NTM: variants seen among roughly 807,000 people sequenced by gnomAD.
The protein encoded by NTM is IgLON family member 2.
In NTM, 13 loss-of-function variants were observed where a neutral mutation model predicts 42.1. That is an observed-to-expected ratio of 0.31 (90% CI 0.20 to 0.49). The LOEUF is 0.49. NTM is among the 20% of genes least tolerant of loss of function. The pLI, the probability that NTM is intolerant of heterozygous loss-of-function variation, is 0.99. For synonymous variants in NTM, 187 were observed against 179.2 expected, an observed-to-expected ratio of 1.04 and a Z score of -0.35; for missense variants, 373 against 452.8, an observed-to-expected ratio of 0.82 and a Z score of 1.60.
At chr11:132,070,202 C>T (rs1397360567) in intron 2 of NTM, among the ~76,000 whole-genome samples, 15 of 146,828 alleles carry the variant, frequency 1.0e-4, no homozygotes, top group Admixed American at 2.0e-4. Flanking sequence ...CAAGTTAACA[C>T]GTCAAACTGA....
intron 1 of NTM, among the ~76,000 whole-genome samples, chr11:131,402,192 A>G (rs1266190769): frequency 6.6e-6 from 1 of 152,020 alleles, no homozygotes; most frequent in Non-Finnish European, 1.5e-5. Flanking sequence ...TATGGATGCA[A>G]CACCATGAAA....
In NTM at chr11:132,132,464, T is replaced by G. The variant is rs146163492; in HGVS notation, c.168-13818T>G. ...ATGTTTTGTTCTGGAGAGTGAACAC[T>G]GCATCTTCACAGGCATATGAGCTCA... On this transcript the variant is annotated intron_variant, in intron 2 of 8. Coordinates refer to ENST00000683400, the MANE Select transcript of NTM (RefSeq NM_001352005.2). Among the ~76,000 whole-genome samples the G allele has an allele frequency of 1.5e-3, 227 of 152,364 alleles. 2 individuals are homozygous for G. The South Asian group carries it at 0.024, about 16-fold the overall frequency.
intron 2 of NTM, among the ~76,000 whole-genome samples, chr11:132,007,788 T>G (rs11222863): frequency 0.14 from 21,086 of 152,140 alleles, 1,643 homozygotes; most frequent in African/African-American, 0.2. Flanking sequence ...GAGCTGGATT[T>G]TCATCTCAGG....
chr11:131,839,457 C>T (rs890381546), intron 1 of NTM, among the ~76,000 whole-genome samples: 2 of 152,140 alleles, frequency 1.3e-5, no homozygotes, highest in African/African-American at 4.8e-5. Flanking sequence ...AGAAAGTCCA[C>T]CTGAGGAAGC....
At chr11:131,650,778 T>G (rs530709788) in intron 1 of NTM, among the ~76,000 whole-genome samples, 1 of 152,100 alleles carries the variant, frequency 6.6e-6, no homozygotes, top group East Asian at 1.9e-4. Flanking sequence ...TTTAAAAAAA[T>G]TACTGGGAAA....
At chr11:131,970,515 A>G (rs570718079) in intron 2 of NTM, among the ~76,000 whole-genome samples, 1 of 152,276 alleles carries the variant, frequency 6.6e-6, no homozygotes. Context: ...TCTGCTCCCC[A>G]TTCCTTCCTA....
chr11:131,791,945 T>C (rs2090996485), intron 1 of NTM, among the ~76,000 whole-genome samples: 1 of 152,198 alleles, frequency 6.6e-6, no homozygotes, highest in African/African-American at 2.4e-5. Flanking sequence ...CTGTTTGTCA[T>C]AAGCCTAAGG....
intron 7 of NTM, among the ~76,000 whole-genome samples, chr11:132,323,402 A>G (rs1286164482): frequency 2.6e-5 from 4 of 151,916 alleles, no homozygotes; most frequent in South Asian, 4.2e-4. Flanking sequence ...AAACACCTCT[A>G]TGCAAATAAA....
chr11:131,764,169 C>T (rs1342058107), intron 1 of NTM, among the ~76,000 whole-genome samples: 1 of 152,000 alleles, frequency 6.6e-6, no homozygotes, highest in Non-Finnish European at 1.5e-5. Context: ...GCTTTTTGTT[C>T]ACACTGTATT....
At chr11:132,109,704 G>A (rs2062906420) in intron 2 of NTM, among the ~76,000 whole-genome samples, 1 of 151,940 alleles carries the variant, frequency 6.6e-6, no homozygotes, top group Non-Finnish European at 1.5e-5. Flanking sequence ...TCTCGGCTCC[G>A]GGACGCCACA....
intron 2 of NTM, among the ~76,000 whole-genome samples, chr11:132,137,869 C>T (rs2068250193): frequency 6.6e-6 from 1 of 152,206 alleles, no homozygotes; most frequent in South Asian, 2.1e-4. Context: ...GCTGGTCGGC[C>T]TGCACTGGGT....
intron 1 of NTM, among the ~76,000 whole-genome samples, chr11:131,462,361 G>T (rs1951459738): frequency 6.6e-6 from 1 of 152,148 alleles, no homozygotes; most frequent in Non-Finnish European, 1.5e-5. Context: ...ATAAAACTAT[G>T]CACTCAAAAT....
intron 1 of NTM, among the ~76,000 whole-genome samples, chr11:131,433,030 ATTC>A (rs956636478): frequency 1.3e-5 from 2 of 150,080 alleles, no homozygotes; most frequent in African/African-American, 4.9e-5. Flanking sequence ...AATTTTTTGT[ATTC>A]TTTTTAGTAG....
chr11:131,589,013 GC>G (rs76486114), intron 1 of NTM, among the ~76,000 whole-genome samples: 1 of 152,214 alleles, frequency 6.6e-6, no homozygotes, highest in East Asian at 1.9e-4. Context: ...GAGGACTCAT[GC>G]CTGAGCATGC....
chr11:132,281,964 C>T (rs2093987582), intron 4 of NTM, among the ~76,000 whole-genome samples: 1 of 152,154 alleles, frequency 6.6e-6, no homozygotes, highest in Non-Finnish European at 1.5e-5. Flanking sequence ...GAGCTTTAAG[C>T]CCACATCTTA....
At chr11:131,453,693 C>G (rs11600798) in intron 1 of NTM, among the ~76,000 whole-genome samples, 5,895 of 152,224 alleles carry the variant, frequency 0.039, 129 homozygotes, top group Non-Finnish European at 0.046. Context: ...TGAAAGGGAA[C>G]TGTCTAAAGT....
chr11:132,006,361 G>A (rs1341645928), intron 2 of NTM, among the ~76,000 whole-genome samples: 1 of 152,110 alleles, frequency 6.6e-6, no homozygotes, highest in Non-Finnish European at 1.5e-5. Context: ...GCTAGCAGAG[G>A]GAGGGAAAAT....
intron 4 of NTM, among the ~76,000 whole-genome samples, chr11:132,237,809 C>CA (rs1421512180): frequency 6.6e-6 from 1 of 152,210 alleles, no homozygotes; most frequent in Non-Finnish European, 1.5e-5. Context: ...CCTCCCCGCT[C>CA]AGCCAGTCCC....
At position 131,681,297 on chromosome 11, in the gene NTM, G is replaced by A. The variant is rs573142424; in HGVS notation, c.83-230267G>A. On this transcript the variant is annotated intron_variant, in intron 1 of 8. Transcript: ENST00000683400. ...TCTCCCTGTGTGTGTGAGCGTGTGTGTTTCTGTGTCTGTATGTCTGTGTGT... is the reference window on the plus strand; with the variant it reads ...TCTCCCTGTGTGTGTGAGCGTGTGTATTTCTGTGTCTGTATGTCTGTGTGT... 2.6e-3 allele frequency among the ~76,000 whole-genome samples: 144 copies of A among 54,834 alleles called. 8 individuals carry two copies. Among genetic ancestry groups the A allele is most frequent in the African/African-American group, 6.2e-3 (130 of 21,114 alleles). 36.0% of individuals were successfully genotyped at this position (54,834 alleles called of 152,430 possible). A position where few individuals can be genotyped will look rare whatever the true frequency, so the allele number is the denominator to read the frequency against.
Sources: gnomAD v4.1 joint callset for allele counts (sites outside exome capture counted in the v4.1 genomes callset) on GRCh38, gnomAD v4.1.1 for gene constraint, MANE v1.5 for transcripts, NCBI Gene and HGNC (gene_info 2026-07-23, HGNC 2026-07-21) for gene names.